YY1AP1: variants seen among roughly 807,000 people sequenced by gnomAD.
The protein encoded by YY1AP1 is YY1 associated protein 1.
A neutral mutation model predicts 39.9 loss-of-function variants in YY1AP1; 43 were observed. The ratio of observed to expected loss-of-function variants is 1.08; its 90% CI spans 0.84 to 1.39. The LOEUF (loss-of-function observed/expected upper bound fraction) is 1.39, where lower values mean the gene tolerates loss of function less well. Ranked by LOEUF, YY1AP1 falls within the 40% of genes most tolerant of loss-of-function variation. The pLI is 0.00. For missense variants in YY1AP1, 813 were observed against 900.7 expected, an observed-to-expected ratio of 0.90 and a Z score of 1.25; for synonymous variants, 292 against 331.3, an observed-to-expected ratio of 0.88 and a Z score of 1.29.
chr1:155,663,977 C>T (rs1447615657), intron 9 of YY1AP1, among the ~76,000 whole-genome samples: 1 of 148,498 alleles, frequency 6.7e-6, no homozygotes, highest in Non-Finnish European at 1.5e-5. Flanking sequence ...GAGTTTGAGA[C>T]CAGCCTGGCC....
upstream of YY1AP1, chr1:155,688,791 C>T: frequency 2.6e-6 from 4 of 1,545,176 alleles, no homozygotes; most frequent in African/African-American, 1.4e-5. Flanking sequence ...CGCGCGTGCG[C>T]CTCCCACAGT....
intron 7 of YY1AP1, chr1:155,672,334 T>C (rs1254962459): frequency 1.5e-6 from 1 of 647,550 alleles, no homozygotes; most frequent in Non-Finnish European, 2.8e-6. Flanking sequence ...CCCATATTCC[T>C]ATACTGTCCA....
At chr1:155,671,978 A>G (rs1039787082) in intron 7 of YY1AP1, among the ~76,000 whole-genome samples, 4 of 152,242 alleles carry the variant, frequency 2.6e-5, no homozygotes, top group Admixed American at 2.6e-4. Flanking sequence ...ATTTGGCTTA[A>G]GTAAATAGCA....
At chr1:155,674,018 G>A (rs1487433212) in intron 6 of YY1AP1, among the ~76,000 whole-genome samples, 3 of 151,938 alleles carry the variant, frequency 2.0e-5, no homozygotes, top group Non-Finnish European at 4.4e-5. Flanking sequence ...AAAATTAGCC[G>A]GGCATAGTGG....
rs779615362 is a variant in YY1AP1 at position 155,675,051 on chromosome 1, G to A, written c.370C>T (p.Pro124Ser). 8 of 1,613,738 alleles carry A rather than the reference G, an allele frequency of 5.0e-6. No homozygotes were observed. The South Asian group carries it at 6.6e-5, about 13-fold the overall frequency. The stretch of plus-strand genomic sequence containing the variant: ...CTACTGGCCTCCGGATTGAGATTGG[G>A]GTTGCAGGTGGCAAGAAGGTGGATT... ...TQIHLLATCN[P>S]NLNPEASSTR... The change falls in exon 6 of 11, where the codon CCC (proline) becomes TCC (serine). Residue 124 changes from proline to serine, a missense_variant. Transcript: ENST00000355499.
intron 2 of YY1AP1, among the ~76,000 whole-genome samples, chr1:155,686,095 C>T (rs1476264148): frequency 7.6e-6 from 1 of 131,832 alleles, no homozygotes; most frequent in African/African-American, 2.9e-5. Flanking sequence ...AGTGCAGTGG[C>T]GCAATCTCAG....
chr1:155,672,487 T>A, intron 7 of YY1AP1, 73 bp downstream of exon 7: 1 of 1,605,112 alleles, frequency 6.2e-7, no homozygotes, highest in Non-Finnish European at 8.5e-7. Flanking sequence ...TCCTAGGAAG[T>A]TATCTATGGG....
chr1:155,661,158 A>G, intron 10 of YY1AP1, 149 bp downstream of exon 10: 1 of 1,579,272 alleles, frequency 6.3e-7, no homozygotes. Context: ...AGAAGGGCAG[A>G]AAAGTAAGGG....
chr1:155,688,288 G>A (rs1367788469), intron 1 of YY1AP1, 87 bp from the exon 2 acceptor site: 1 of 1,582,208 alleles, frequency 6.3e-7, no homozygotes, highest in Non-Finnish European at 8.6e-7. Flanking sequence ...CCGACACTGG[G>A]ATCGTTTCCC....
chr1:155,688,687 C>CGAGGT lies in YY1AP1; in HGVS notation c.-181_-180insACCTC. ...CAGCGGCGCGAGCCCAAGCCTTCTC[C>CGAGGT]ACCTCCTCTTCTCTCCTCCCCCTCC... On this transcript the variant is annotated 5_prime_UTR_variant, in exon 1 of 11. Coordinates refer to ENST00000355499, the MANE Select transcript of YY1AP1 (RefSeq NM_139119.3). 1 of 1,529,598 alleles carries CGAGGT rather than the reference C, an allele frequency of 6.5e-7. No homozygotes were observed. Among genetic ancestry groups the CGAGGT allele is most frequent in the Non-Finnish European group, 8.7e-7 (1 of 1,145,064 alleles). The allele number at this position is 1,529,598 out of a possible 1,614,324, so 94.8% of individuals were successfully genotyped here.
intron 9 of YY1AP1, among the ~76,000 whole-genome samples, chr1:155,664,538 C>T (rs1648662465): frequency 6.6e-6 from 1 of 151,922 alleles, no homozygotes; most frequent in Admixed American, 6.6e-5. Context: ...GGTTCGAGAT[C>T]ACCTGGCCAA....
At chr1:155,672,806 GAGA>G in intron 6 of YY1AP1, 75 bp from the exon 7 acceptor site, 1 of 1,604,926 alleles carries the variant, frequency 6.2e-7, no homozygotes, top group Non-Finnish European at 8.5e-7. Context: ...GAATCTAAAT[GAGA>G]AGCTGACCTT....
intron 9 of YY1AP1, among the ~76,000 whole-genome samples, chr1:155,667,479 CAG>C (rs1398876765): frequency 5.4e-5 from 8 of 148,702 alleles, no homozygotes; most frequent in African/African-American, 1.7e-4. Flanking sequence ...GCCAGGATGA[CAG>C]AGTGAGAACC....
intron 8 of YY1AP1, 31 bp from the exon 9 acceptor site, chr1:155,668,808 CT>C: frequency 1.2e-6 from 2 of 1,614,018 alleles, no homozygotes; most frequent in Non-Finnish European, 1.7e-6. Flanking sequence ...CTAAATCTCA[CT>C]TCACAGTCCT....
intron 2 of YY1AP1, among the ~76,000 whole-genome samples, chr1:155,684,916 TA>T (rs949242115): frequency 1.8e-4 from 28 of 152,328 alleles, no homozygotes; most frequent in African/African-American, 6.7e-4. Flanking sequence ...GTACAGTAAT[TA>T]TTTTTAAGTT....
intron 2 of YY1AP1, 151 bp downstream of exon 2, chr1:155,687,920 G>A: frequency 1.1e-6 from 1 of 884,224 alleles, no homozygotes; most frequent in Non-Finnish European, 1.7e-6. Flanking sequence ...GTAGGCTCAG[G>A]ATCCCCCTCC....
chr1:155,671,205 TG>T (rs1649812414), intron 7 of YY1AP1: 1 of 151,870 alleles, frequency 6.6e-6, no homozygotes, highest in African/African-American at 2.4e-5. Context: ...CCGAGGCAGG[TG>T]GATCACCTGA....
At chr1:155,667,618 G>A (rs1649208334) in intron 9 of YY1AP1, among the ~76,000 whole-genome samples, 1 of 152,130 alleles carries the variant, frequency 6.6e-6, no homozygotes, top group Admixed American at 6.5e-5. Context: ...GAGGTCAGGA[G>A]TTCGAGACCA....
chr1:155,675,150 G>A, intron 5 of YY1AP1, 54 bp from the exon 6 acceptor site: 1 of 1,532,318 alleles, frequency 6.5e-7, no homozygotes, highest in Non-Finnish European at 9.0e-7. Flanking sequence ...GCCATTTCAG[G>A]AGCCCAGAGA....
Sources: gnomAD v4.1 joint callset for allele counts (sites outside exome capture counted in the v4.1 genomes callset) on GRCh38, gnomAD v4.1.1 for gene constraint, MANE v1.5 for transcripts, NCBI Gene and HGNC (gene_info 2026-07-23, HGNC 2026-07-21) for gene names.